Variants in CPQ observed in about 807,000 individuals in gnomAD.
CPQ encodes carboxypeptidase Q.
Under a neutral mutation model 45.7 loss-of-function variants are expected in CPQ, and 37 were observed. The observed-to-expected ratio is 0.81, with a 90% CI of 0.62 to 1.07. The LOEUF is 1.07. CPQ is among the 50% of genes least tolerant of loss of function. CPQ has a pLI of 0.00. For synonymous variants in CPQ, 186 were observed against 205.8 expected (o/e 0.90, Z 0.82); for missense variants, 537 against 572.9 (o/e 0.94, Z 0.64).
chr8:97,000,688 G>C (rs1399023621), intron 5 of CPQ, among the ~76,000 whole-genome samples: 2 of 152,040 alleles, frequency 1.3e-5, no homozygotes, highest in Non-Finnish European at 2.9e-5. Context: ...CTCCAGCTTT[G>C]TTCTTTTTGC....
chr8:96,820,316 G>A (rs1400377665), intron 2 of CPQ, among the ~76,000 whole-genome samples: 1 of 151,930 alleles, frequency 6.6e-6, no homozygotes, highest in African/African-American at 2.4e-5. Flanking sequence ...AATTTTAGCA[G>A]AATTCATGTT....
chr8:96,746,635 C>T (rs573285108), intron 1 of CPQ, among the ~76,000 whole-genome samples: 5 of 152,176 alleles, frequency 3.3e-5, no homozygotes, highest in Non-Finnish European at 7.3e-5. Flanking sequence ...TTGACCTGTG[C>T]CTCTCCCTGC....
rs958694021 is a variant in CPQ, at chr8:96,923,846, G to T, written c.850-42089G>T. On this transcript the variant is annotated intron_variant, in intron 4 of 7. Transcript: ENST00000220763. ...CAAAATAATAAAGGTGCATTAAGATGTGAGAAACTGCTTATAGGCAACTGG... is the reference window on the plus strand; with the variant it reads ...CAAAATAATAAAGGTGCATTAAGATTTGAGAAACTGCTTATAGGCAACTGG... Among the ~76,000 whole-genome samples the T allele has an allele frequency of 7.2e-5, 11 of 152,336 alleles. No individual in the cohort carries two copies. The East Asian group carries it at 1.9e-3, about 27-fold the overall frequency.
At chr8:96,890,409 G>A (rs552492702) in intron 4 of CPQ, among the ~76,000 whole-genome samples, 6 of 152,210 alleles carry the variant, frequency 3.9e-5, no homozygotes, top group South Asian at 2.1e-4. Flanking sequence ...TCAGTGGGTC[G>A]TAGTTTTTTA....
At chr8:96,806,350 A>T (rs1811079150) in intron 2 of CPQ, among the ~76,000 whole-genome samples, 1 of 152,170 alleles carries the variant, frequency 6.6e-6, no homozygotes, top group Non-Finnish European at 1.5e-5. Context: ...ACTAATGAGG[A>T]TATGAGTTGC....
At chr8:96,887,830 G>A (rs1188480885) in intron 4 of CPQ, among the ~76,000 whole-genome samples, 2 of 152,142 alleles carry the variant, frequency 1.3e-5, no homozygotes, top group African/African-American at 2.4e-5. Flanking sequence ...AGGCCTTGAT[G>A]CAGTGAATTT....
chr8:96,911,015 C>T (rs116830130), intron 4 of CPQ, among the ~76,000 whole-genome samples: 243 of 151,588 alleles, frequency 1.6e-3, no homozygotes, highest in African/African-American at 5.2e-3. Flanking sequence ...AAAAAGAAAT[C>T]GATATTATTA....
rs528953862 is a variant in CPQ, at chr8:96,896,679, C to CT, written c.849+16676dup. 9.7e-4 allele frequency among the ~76,000 whole-genome samples: 148 copies of CT among 152,262 alleles called. 1 individual carries two copies. The highest frequency in any genetic ancestry group is 1.8e-3 in the Non-Finnish European group (122 of 67,990). On this transcript the variant is annotated intron_variant, in intron 4 of 7. Coordinates refer to ENST00000220763, the MANE Select transcript of CPQ (RefSeq NM_016134.4). ...ACACACCCATATACAATGTTTCTCT[C>CT]TTCAGAACTTCCATAGGTCTCTTTT...
At chr8:96,902,416 C>T (rs1257272926) in intron 4 of CPQ, among the ~76,000 whole-genome samples, 1 of 152,146 alleles carries the variant, frequency 6.6e-6, no homozygotes, top group South Asian at 2.1e-4. Context: ...AGACTTTTCC[C>T]AAAGTTCATG....
chr8:96,957,170 A>G (rs1161182725), intron 4 of CPQ, among the ~76,000 whole-genome samples: 1 of 152,196 alleles, frequency 6.6e-6, no homozygotes, highest in Non-Finnish European at 1.5e-5. Context: ...AAGTTCACTA[A>G]AAAGTCCTGG....
intron 4 of CPQ, among the ~76,000 whole-genome samples, chr8:96,926,538 T>TC (rs1812877778): frequency 6.8e-6 from 1 of 147,208 alleles, no homozygotes; most frequent in Admixed American, 6.8e-5. Context: ...TTCTTTTTCT[T>TC]CTTCTTCCTC....
chr8:96,881,395 C>T (rs1812221618), intron 4 of CPQ, among the ~76,000 whole-genome samples: 1 of 152,032 alleles, frequency 6.6e-6, no homozygotes. Context: ...TTTTAAACAA[C>T]CAGATCTCAT....
intron 7 of CPQ, among the ~76,000 whole-genome samples, chr8:97,104,245 T>C (rs1811363908): frequency 1.3e-5 from 2 of 152,190 alleles, no homozygotes; most frequent in African/African-American, 2.4e-5. Flanking sequence ...AGTCGTTTTT[T>C]AATCTCTAAA....
intron 5 of CPQ, among the ~76,000 whole-genome samples, chr8:97,028,253 A>G (rs1809834825): frequency 6.6e-6 from 1 of 152,206 alleles, no homozygotes; most frequent in Non-Finnish European, 1.5e-5. Context: ...AGGCTTAGGA[A>G]AGGAGAGTGC....
intron 4 of CPQ, among the ~76,000 whole-genome samples, chr8:96,920,434 T>C (rs949090808): frequency 2.0e-5 from 3 of 152,176 alleles, no homozygotes; most frequent in African/African-American, 7.2e-5. Context: ...TTCTTAACAA[T>C]TATAATATAT....
intron 7 of CPQ, among the ~76,000 whole-genome samples, chr8:97,134,837 T>C (rs972872867): frequency 6.6e-6 from 1 of 152,190 alleles, no homozygotes; most frequent in Non-Finnish European, 1.5e-5. Context: ...CTCTCCCTCA[T>C]AGGGCCAATT....
At chr8:96,987,346 C>A (rs902892646) in intron 5 of CPQ, among the ~76,000 whole-genome samples, 2 of 152,084 alleles carry the variant, frequency 1.3e-5, no homozygotes, top group African/African-American at 2.4e-5. Context: ...CAGAGGGAAG[C>A]TTCGCTTTGG....
intron 1 of CPQ, among the ~76,000 whole-genome samples, chr8:96,717,084 T>A (rs1391751543): frequency 1.7e-5 from 2 of 118,412 alleles, no homozygotes; most frequent in African/African-American, 3.4e-5. Flanking sequence ...TATACGTATA[T>A]ATACACACAC....
chr8:96,771,559 A>G (rs1484897230), intron 1 of CPQ, among the ~76,000 whole-genome samples: 1 of 152,124 alleles, frequency 6.6e-6, no homozygotes, highest in African/African-American at 2.4e-5. Flanking sequence ...TACAGTCTGG[A>G]TGCTTACTTT....
Sources: allele counts gnomAD v4.1 joint callset (sites outside exome capture counted in the v4.1 genomes callset), GRCh38; gene constraint gnomAD v4.1.1; transcripts MANE v1.5; gene names NCBI Gene and HGNC (gene_info 2026-07-23, HGNC 2026-07-21).